Variants in IRX6 observed in about 807,000 individuals in gnomAD.
The protein encoded by IRX6 is iroquois-class homeodomain protein IRX-6.
In IRX6, 46 loss-of-function variants were observed where a neutral mutation model predicts 47.7. That is an observed-to-expected ratio of 0.96 (90% CI 0.76 to 1.23). The LOEUF (loss-of-function observed/expected upper bound fraction) is 1.23. Among genes scored for constraint, IRX6 ranks in the 50% most tolerant of loss-of-function variants. IRX6 has a pLI of 0.00. For synonymous variants in IRX6, 265 were observed against 246.2 expected (o/e 1.08, Z -0.72); for missense variants, 722 against 588.0 (o/e 1.23, Z -2.36).
Position 55,327,649 on chromosome 16 carries a change from T to A in IRX6, c.477T>A (p.Ser159Arg). The A allele has an allele frequency of 6.2e-7, 1 of 1,612,414 alleles. No homozygotes were observed. Among genetic ancestry groups the A allele is most frequent in the South Asian group, 1.1e-5 (1 of 90,992 alleles). ...AGAACGCGACCCGGGAGACCACCAG[T>A]ACACTCAAGGCCTGGCTCAACGAGC... is the stretch of plus-strand genomic sequence containing the variant. ...RRKNATRETT[S>R]TLKAWLNEHR... The change falls in exon 4 of 6, where the codon AGT (serine) becomes AGA (arginine). Residue 159 changes from serine to arginine, a missense_variant. Ser to Arg is a moderately radical substitution (Grantham distance 110, BLOSUM62 -1). Coordinates refer to ENST00000290552, the MANE Select transcript of IRX6 (RefSeq NM_024335.3).
At position 55,330,639 on chromosome 16, in the gene IRX6, CACCTCCACCA is replaced by C. The variant is rs1482175972; in HGVS notation, c.*338_*347del. On this transcript the variant is annotated 3_prime_UTR_variant, in exon 6 of 6. Coordinates refer to ENST00000290552, the MANE Select transcript of IRX6 (RefSeq NM_024335.3). Reference sequence around the variant, plus strand: ...TCCTCTCCTGCTCACCCCTGTCTCTCACCTCCACCAACCCCACTCACTTTGTAACTTCATC... The same window carrying C: ...TCCTCTCCTGCTCACCCCTGTCTCTCACCCCACTCACTTTGTAACTTCATC... 1 of 432,886 alleles carries C rather than the reference CACCTCCACCA, an allele frequency of 2.3e-6. No individual in the cohort carries two copies. Among genetic ancestry groups the C allele is most frequent in the Non-Finnish European group, 4.2e-6 (1 of 236,678 alleles). The allele number at this position is 432,886 out of a possible 1,614,324, so 26.8% of individuals were successfully genotyped here.
At chr16:55,325,611 G>T (rs1013257256) in intron 1 of IRX6, among the ~76,000 whole-genome samples, 1 of 150,392 alleles carries the variant, frequency 6.6e-6, no homozygotes, top group African/African-American at 2.5e-5. Context: ...AAAAGAAAGA[G>T]AAAGAAAGAA....
rs1960593606 is a variant in IRX6 at position 55,329,052 on chromosome 16, G to A, written c.1074G>A (p.Ala358=). 3 of 1,614,032 alleles carry A rather than the reference G, an allele frequency of 1.9e-6. No individual in the cohort carries two copies. The highest frequency in any genetic ancestry group is 1.7e-6 in the Non-Finnish European group (2 of 1,180,040). The change falls in exon 5 of 6, where the codon GCG becomes GCA. Residue 358 remains alanine (A), a synonymous_variant. Transcript: ENST00000290552. ...KPRIWSLAHT[A]TASAVEGAPP... ...GCATCTGGTCTCTGGCGCACACCGC[G>A]ACAGCCAGCGCTGTTGAAGGTGCAC...
At chr16:55,330,230 G>A (rs1056453865) in intron 5 of IRX6, 68 bp from the exon 6 acceptor site, 19 of 1,464,780 alleles carry the variant, frequency 1.3e-5, no homozygotes, top group Admixed American at 5.0e-5. Context: ...AGACATGGCT[G>A]ACCCAGAGGT....
In IRX6 at chr16:55,329,134, C is replaced by T; in HGVS notation, c.1156C>T (p.Pro386Ser). 14 of 1,614,154 alleles carry T rather than the reference C, an allele frequency of 8.7e-6. No homozygotes were observed. Among genetic ancestry groups the T allele is most frequent in the Non-Finnish European group, 1.0e-5 (12 of 1,180,040 alleles). The change falls in exon 5 of 6, where the codon CCT (proline) becomes TCT (serine). Residue 386 changes from proline to serine, a missense_variant. Coordinates refer to ENST00000290552, the MANE Select transcript of IRX6 (RefSeq NM_024335.3). ...PECRMIPGQPPASARRLSVPR... is the reference protein window; with the variant it reads ...PECRMIPGQPSASARRLSVPR... Reference sequence around the variant, plus strand: ...GTGCCGTATGATTCCTGGACAGCCTCCTGCCTCTGCCCGGCGACTCTCAGT... The same window carrying T: ...GTGCCGTATGATTCCTGGACAGCCTTCTGCCTCTGCCCGGCGACTCTCAGT...
rs758249901 is a variant in IRX6 at position 55,327,251 on chromosome 16, C to G, written c.304-45C>G. Reference sequence around the variant, plus strand: ...ACCCTTAGCTACCACCCCATGTGCCCCCTCCCCAACTGTACTCCTGAATTC... The same window carrying G: ...ACCCTTAGCTACCACCCCATGTGCCGCCTCCCCAACTGTACTCCTGAATTC... On this transcript the variant is annotated intron_variant, in intron 2 of 5. Transcript: ENST00000290552. 5 of 1,399,256 alleles carry G rather than the reference C, an allele frequency of 3.6e-6. No individual in the cohort carries two copies. In the African/African-American group the frequency reaches 5.7e-5, roughly 16 times the overall value. The allele number at this position is 1,399,256 out of a possible 1,614,324, so 86.7% of individuals were successfully genotyped here.
chr16:55,328,657 TTGGGCCC>T, intron 4 of IRX6, 36 bp from the exon 5 acceptor site: 1 of 1,596,392 alleles, frequency 6.3e-7, no homozygotes, highest in Non-Finnish European at 8.5e-7. Context: ...CGGATTTCCC[TTGGGCCC>T]TGGGGCTTTT....
chr16:55,328,296 A>T (rs570547408), intron 4 of IRX6, among the ~76,000 whole-genome samples: 13 of 152,262 alleles, frequency 8.5e-5, no homozygotes, highest in African/African-American at 3.1e-4. Flanking sequence ...CTAATACCTA[A>T]ATGATGGCTG....
rs1202707208 is a variant in IRX6 at position 55,329,205 on chromosome 16, C to A, written c.1227C>A (p.Ala409=). ...ACGAGTCTTCCTGCATACCCAAAGC[C>A]TTTGGAAACCCCAAGTTTGCCCTGC... ...ACDESSCIPK[A]FGNPKFALQG... The change falls in exon 5 of 6, where the codon GCC becomes GCA. Residue 409 remains alanine, a synonymous_variant. Coordinates refer to ENST00000290552, the MANE Select transcript of IRX6 (RefSeq NM_024335.3). 6.2e-7 allele frequency: 1 copy of A among 1,614,022 alleles called. No individual in the cohort carries two copies. The highest frequency in any genetic ancestry group is 2.2e-5 in the East Asian group (1 of 44,876).
chr16:55,328,471 G>A (rs1202259723), intron 4 of IRX6, among the ~76,000 whole-genome samples: 2 of 152,208 alleles, frequency 1.3e-5, no homozygotes, highest in African/African-American at 2.4e-5. Flanking sequence ...CTCGCTAGAG[G>A]AGGAGTCCGC....
At chr16:55,329,647 G>C (rs1960608071) in intron 5 of IRX6, among the ~76,000 whole-genome samples, 1 of 151,890 alleles carries the variant, frequency 6.6e-6, no homozygotes, top group Non-Finnish European at 1.5e-5. Flanking sequence ...TGCTCCTCTA[G>C]CACAAACGCC....
chr16:55,325,174 G>A (rs1180556198), intron 1 of IRX6, 38 bp downstream of exon 1: 2 of 1,603,478 alleles, frequency 1.2e-6, no homozygotes, highest in Non-Finnish European at 1.7e-6. Context: ...GGACAGACTG[G>A]GTGGAGGGAG....
Position 55,330,555 on chromosome 16 carries a change from G to A in IRX6, c.*250G>A, listed in dbSNP as rs1275617993. ...GGGAAGGCCAAGTGGGAGGCTGGGA[G>A]GCTGCCCCACCCACCGACTCTACCA... On this transcript the variant is annotated 3_prime_UTR_variant, in exon 6 of 6. Transcript: ENST00000290552. 8.8e-6 allele frequency: 5 copies of A among 565,752 alleles called. No individual in the cohort carries two copies. The highest frequency in any genetic ancestry group is 4.7e-4 in the Middle Eastern group (1 of 2,120). The allele number at this position is 565,752 out of a possible 1,614,324, so 35.0% of individuals were successfully genotyped here.
chr16:55,330,340 A>T lies in IRX6; in HGVS notation c.*35A>T, dbSNP rs746205770. 2.5e-6 allele frequency: 4 copies of T among 1,610,128 alleles called. No homozygotes were observed. The highest frequency in any genetic ancestry group is 2.2e-5 in the East Asian group (1 of 44,866). ...TGCGATTTGCGAAAGAATCTTGGAA[A>T]TGGGCCCCACGTTTCGAATTCATCT... On this transcript the variant is annotated 3_prime_UTR_variant, in exon 6 of 6. Transcript: ENST00000290552.
intron 4 of IRX6, among the ~76,000 whole-genome samples, 183 bp downstream of exon 4, chr16:55,328,076 C>T (rs1041794473): frequency 6.6e-6 from 1 of 152,062 alleles, no homozygotes; most frequent in Admixed American, 6.6e-5. Flanking sequence ...TCTACACAAC[C>T]GGCTTCTTCT....
In IRX6 at chr16:55,328,045, A is replaced by G. The variant is rs893240922; in HGVS notation, c.721+152A>G. 1.6e-5 allele frequency: 11 copies of G among 701,282 alleles called. No homozygotes were observed. The African/African-American group carries it at 2.0e-4, about 13-fold the overall frequency. 43.4% of individuals were successfully genotyped at this position (701,282 alleles called of 1,614,324 possible). ...CCTGTCTCAGAGCATTAGCCTGTGC[A>G]CTGCCTTCTACCTGTAATTCTCTAC... On this transcript the variant is annotated intron_variant, in intron 4 of 5. Transcript: ENST00000290552.
At position 55,327,609 on chromosome 16, in the gene IRX6, GCGCCGGT is replaced by G. The variant is rs1567339523; in HGVS notation, c.443_449del (p.Gly148GlufsTer39). On this transcript the variant is annotated frameshift_variant, in exon 4 of 6. Transcript: ENST00000290552. LOFTEE classifies it high-confidence loss of function. ...AGGTATGGCGCAGTGGAATTGAGTG[GCGCCGGT>G]CGCCGAAAGAACGCGACCCGGGAGA... is the stretch of plus-strand genomic sequence containing the variant. 6 of 1,606,604 alleles carry G rather than the reference GCGCCGGT, an allele frequency of 3.7e-6. No individual in the cohort carries two copies. The highest frequency in any genetic ancestry group is 5.1e-6 in the Non-Finnish European group (6 of 1,177,064).
At chr16:55,325,570 A>AAG (rs1567338621) in intron 1 of IRX6, among the ~76,000 whole-genome samples, 1 of 134,132 alleles carries the variant, frequency 7.5e-6, no homozygotes, top group Non-Finnish European at 1.6e-5. Context: ...AGAAAGAAAG[A>AAG]GAAAGAAAGA....
intron 5 of IRX6, among the ~76,000 whole-genome samples, chr16:55,329,726 G>C (rs1276596083): frequency 1.3e-5 from 2 of 152,182 alleles, no homozygotes; most frequent in Non-Finnish European, 2.9e-5. Flanking sequence ...AGTTTACTAG[G>C]GTTGGGCAGG....
Sources: gnomAD v4.1 joint callset for allele counts (sites outside exome capture counted in the v4.1 genomes callset) on GRCh38, gnomAD v4.1.1 for gene constraint, MANE v1.5 for transcripts, NCBI Gene and HGNC (gene_info 2026-07-23, HGNC 2026-07-21) for gene names.